The following OPN5 variants were observed in gnomAD, a reference collection of about 807,000 sequenced individuals.
OPN5 encodes opsin 5.
OPN5 carries 18 observed loss-of-function variants against 41.7 expected under a neutral mutation model. The observed-to-expected ratio is 0.43, with a 90% CI of 0.30 to 0.64. OPN5 has a LOEUF of 0.64. Ranked by LOEUF, OPN5 falls within the 30% of genes least tolerant of loss-of-function variation. The pLI, the probability that OPN5 is intolerant of heterozygous loss-of-function variation, is 0.13. For synonymous variants in OPN5, 178 were observed against 164.3 expected (o/e 1.08, Z -0.64); for missense variants, 318 against 434.5 (o/e 0.73, Z 2.38).
At chr6:47,819,838 G>T (rs945605203) in intron 6 of OPN5, among the ~76,000 whole-genome samples, 2 of 152,180 alleles carry the variant, frequency 1.3e-5, no homozygotes, top group Non-Finnish European at 2.9e-5. Flanking sequence ...TCTCATTACA[G>T]TGAGAATATG....
chr6:47,804,957 T>G (rs2113980265), intron 4 of OPN5, among the ~76,000 whole-genome samples: 1 of 152,332 alleles, frequency 6.6e-6, no homozygotes, highest in Non-Finnish European at 1.5e-5. Flanking sequence ...CTAATCTATT[T>G]TTTGTCAATG....
intron 5 of OPN5, 139 bp downstream of exon 5, chr6:47,808,534 T>C (rs2113986698): frequency 1.1e-6 from 1 of 900,062 alleles, no homozygotes; most frequent in Non-Finnish European, 1.7e-6. Flanking sequence ...TTATTTTCTG[T>C]TTATCAAAAT....
At chr6:47,811,576 T>C (rs1264891922) in intron 5 of OPN5, 98 bp from the exon 6 acceptor site, 3 of 572,918 alleles carry the variant, frequency 5.2e-6, no homozygotes, top group Non-Finnish European at 9.4e-6. Flanking sequence ...ATCCTCATAG[T>C]AGTCGTTTGA....
At chr6:47,813,917 G>T (rs1487628349) in intron 6 of OPN5, among the ~76,000 whole-genome samples, 2 of 152,016 alleles carry the variant, frequency 1.3e-5, no homozygotes, top group African/African-American at 4.8e-5. Context: ...GAATGGGATG[G>T]GGGAGAGAGT....
At chr6:47,811,729 G>A (rs1409669663) in exon 6 of OPN5, 1 of 1,608,488 alleles carries the variant, frequency 6.2e-7, no homozygotes, top group Non-Finnish European at 8.5e-7. Flanking sequence ...AATTCATGAA[G>A]AGGTATGAAG....
chr6:47,813,011 G>A (rs1207161497), intron 6 of OPN5, among the ~76,000 whole-genome samples: 1 of 151,984 alleles, frequency 6.6e-6, no homozygotes, highest in African/African-American at 2.4e-5. Flanking sequence ...GACTTGATGT[G>A]TGTCACTGGT....
chr6:47,799,004 T>C (rs1166980638), intron 4 of OPN5, among the ~76,000 whole-genome samples: 1 of 152,138 alleles, frequency 6.6e-6, no homozygotes, highest in Non-Finnish European at 1.5e-5. Flanking sequence ...CTGTGTACTT[T>C]AATTATTTCT....
chr6:47,809,043 G>C (rs1774087611), intron 5 of OPN5, among the ~76,000 whole-genome samples: 1 of 152,140 alleles, frequency 6.6e-6, no homozygotes, highest in Non-Finnish European at 1.5e-5. Flanking sequence ...CTCCTTGGTT[G>C]ATACTGTTTG....
intron 6 of OPN5, among the ~76,000 whole-genome samples, chr6:47,813,459 T>G (rs1019876997): frequency 1.3e-5 from 2 of 152,144 alleles, no homozygotes; most frequent in Non-Finnish European, 2.9e-5. Flanking sequence ...TTATTATTAT[T>G]AAGGCGAGTG....
intron 6 of OPN5, among the ~76,000 whole-genome samples, chr6:47,823,136 T>G (rs1327321459): frequency 6.6e-6 from 1 of 152,212 alleles, no homozygotes; most frequent in South Asian, 2.1e-4. Context: ...AGTATGTGAT[T>G]GCATATTGAT....
chr6:47,822,109 C>CAAA (rs11284494), intron 6 of OPN5, among the ~76,000 whole-genome samples: 1 of 89,102 alleles, frequency 1.1e-5, no homozygotes, highest in Non-Finnish European at 2.3e-5. Context: ...GACTCTGTCT[C>CAAA]AAAAAAAAAA....
At chr6:47,818,364 A>C (rs767642859) in intron 6 of OPN5, among the ~76,000 whole-genome samples, 41 of 152,176 alleles carry the variant, frequency 2.7e-4, no homozygotes, top group Non-Finnish European at 3.8e-4. Flanking sequence ...AAATGACTTA[A>C]ATGATTGGAA....
intron 6 of OPN5, among the ~76,000 whole-genome samples, chr6:47,812,842 A>G (rs1185907443): frequency 3.3e-5 from 5 of 152,090 alleles, no homozygotes. Context: ...CGAATAGGGG[A>G]AGAGGGTGGC....
chr6:47,815,681 C>T (rs1459004250), intron 6 of OPN5, among the ~76,000 whole-genome samples: 1 of 151,944 alleles, frequency 6.6e-6, no homozygotes, highest in Non-Finnish European at 1.5e-5. Flanking sequence ...AATATAAGAC[C>T]CACAGGGAAT....
At position 47,806,977 on chromosome 6, in the gene OPN5, G is replaced by A. The variant is rs1465842171; in HGVS notation, c.757-1177G>A. 2.6e-5 allele frequency among the ~76,000 whole-genome samples: 4 copies of A among 152,160 alleles called. No homozygotes were observed. The East Asian group carries it at 7.7e-4, about 29-fold the overall frequency. On this transcript the variant is annotated intron_variant, in intron 4 of 6. Transcript: ENST00000371211. ...GTTCGAGACCAGCCTGGCCAACATG[G>A]TGAAACCCTGTCTCTACAAAAATAC...
chr6:47,805,424 TTG>T (rs3031322), intron 4 of OPN5, among the ~76,000 whole-genome samples: 104,042 of 150,342 alleles, frequency 0.69, 36,725 homozygotes, highest in East Asian at 0.95. Context: ...ATATTATTAA[TTG>T]TGTGTGTGTG....
At chr6:47,822,908 T>A (rs1762676344) in intron 6 of OPN5, among the ~76,000 whole-genome samples, 1 of 152,230 alleles carries the variant, frequency 6.6e-6, no homozygotes, top group Admixed American at 6.5e-5. Flanking sequence ...CTGTTCTAGA[T>A]AATCCAAAAG....
At chr6:47,807,071 C>T (rs1177371579) in intron 4 of OPN5, among the ~76,000 whole-genome samples, 3 of 152,094 alleles carry the variant, frequency 2.0e-5, no homozygotes, top group African/African-American at 4.8e-5. Context: ...GCAGGAGAAT[C>T]GCTTGAACCT....
At chr6:47,813,100 AC>A (rs1554141405) in intron 6 of OPN5, among the ~76,000 whole-genome samples, 85 of 118,734 alleles carry the variant, frequency 7.2e-4, no homozygotes, top group Non-Finnish European at 9.4e-4. Flanking sequence ...AACAACAACA[AC>A]AACAACAACA....
Sources: gnomAD v4.1 joint callset for allele counts (sites outside exome capture counted in the v4.1 genomes callset) on GRCh38, gnomAD v4.1.1 for gene constraint, MANE v1.5 for transcripts, NCBI Gene and HGNC (gene_info 2026-07-23, HGNC 2026-07-21) for gene names.